PDE1C: variants seen among roughly 807,000 people sequenced by gnomAD.
PDE1C encodes dual specificity calcium/calmodulin-dependent 3',5'-cyclic nucleotide phosphodiesterase 1C.
In PDE1C, 62 loss-of-function variants were observed where a neutral mutation model predicts 93.1. That is an observed-to-expected ratio of 0.67 (90% CI 0.54 to 0.82). PDE1C has a LOEUF of 0.82. Among genes scored for constraint, PDE1C ranks in the 40% least tolerant of loss-of-function variants. The pLI is 0.00. For synonymous variants in PDE1C, 325 were observed against 310.1 expected (o/e 1.05, Z -0.50); for missense variants, 742 against 884.6 (o/e 0.84, Z 2.04).
chr7:31,888,970 C>T (rs1371373384), intron 2 of PDE1C, among the ~76,000 whole-genome samples: 1 of 152,090 alleles, frequency 6.6e-6, no homozygotes, highest in Admixed American at 6.5e-5. Flanking sequence ...ATAAAATCAT[C>T]TACATGGAAA....
intron 2 of PDE1C, among the ~76,000 whole-genome samples, chr7:31,921,614 G>T (rs111566159): frequency 2.6e-5 from 4 of 151,940 alleles, no homozygotes; most frequent in African/African-American, 9.7e-5. Flanking sequence ...ATAACCAAAG[G>T]GTTTACTGCT....
At chr7:32,325,529 C>T (rs1277658507) in intron 1 of PDE1C, among the ~76,000 whole-genome samples, 3 of 152,202 alleles carry the variant, frequency 2.0e-5, no homozygotes, top group Non-Finnish European at 2.9e-5. Context: ...CTCTGTTCTA[C>T]GTTTTCCCCT....
At chr7:31,668,730 G>A in the PDE1C span, among the ~76,000 whole-genome samples, 6 of 152,076 alleles carry the variant, frequency 3.9e-5, no homozygotes, top group South Asian at 4.1e-4. Context: ...TTTGGGGGAT[G>A]ATGAAAATAT....
At chr7:31,808,966 A>G in intron 16 of PDE1C, 65 bp downstream of exon 16, 1 of 925,514 alleles carries the variant, frequency 1.1e-6, no homozygotes, top group Non-Finnish European at 1.8e-6. Flanking sequence ...TTTGGGTATG[A>G]TTCTAACAAG....
chr7:32,178,237 A>G (rs556821141), intron 2 of PDE1C, among the ~76,000 whole-genome samples: 2 of 152,162 alleles, frequency 1.3e-5, no homozygotes, highest in African/African-American at 4.8e-5. Context: ...CCTGCCTTAG[A>G]AGGATCACCA....
At chr7:31,931,835 A>G (rs1167959245) in intron 2 of PDE1C, among the ~76,000 whole-genome samples, 1 of 152,220 alleles carries the variant, frequency 6.6e-6, no homozygotes, top group African/African-American at 2.4e-5. Flanking sequence ...CTGACTTCAA[A>G]CTATACTACA....
chr7:32,234,248 A>AGAAAT (rs1807914785), intron 1 of PDE1C, among the ~76,000 whole-genome samples: 1 of 151,954 alleles, frequency 6.6e-6, no homozygotes, highest in African/African-American at 2.4e-5. Context: ...AGAAAAGAAA[A>AGAAAT]TTAAACCCAC....
rs550121580 is a variant in PDE1C, at chr7:31,834,728, T to C, written c.1203+2452A>G. Among the ~76,000 whole-genome samples the C allele has an allele frequency of 1.6e-4, 25 of 152,206 alleles. No individual in the cohort carries two copies. In the South Asian group the frequency reaches 5.2e-3, roughly 32 times the overall value. On this transcript the variant is annotated intron_variant, in intron 11 of 17. Coordinates refer to ENST00000396191, the MANE Select transcript of PDE1C (RefSeq NM_001191057.4). Reference sequence around the variant, plus strand: ...TACAGACTCATAGGTGGAAGGAACTTGCCTTGTCTCAGATGAGACTTCGAA... The same window carrying C: ...TACAGACTCATAGGTGGAAGGAACTCGCCTTGTCTCAGATGAGACTTCGAA...
chr7:32,291,104 A>T (rs780236491), intron 1 of PDE1C, among the ~76,000 whole-genome samples: 3 of 152,206 alleles, frequency 2.0e-5, no homozygotes, highest in Non-Finnish European at 4.4e-5. Context: ...ACACCCTAGG[A>T]GGTAGGTAAT....
At chr7:31,645,417 G>A in the PDE1C span, among the ~76,000 whole-genome samples, 1 of 152,160 alleles carries the variant, frequency 6.6e-6, no homozygotes, top group African/African-American at 2.4e-5. Context: ...TAATATTAGT[G>A]AGAGTTGAAC....
At chr7:31,855,201 T>C (rs1483376764) in intron 7 of PDE1C, among the ~76,000 whole-genome samples, 1 of 152,134 alleles carries the variant, frequency 6.6e-6, no homozygotes, top group Non-Finnish European at 1.5e-5. Context: ...AAGGTTTCCT[T>C]TCTGGTGGCT....
At chr7:31,882,879 T>C (rs1008863363) in intron 2 of PDE1C, among the ~76,000 whole-genome samples, 3 of 152,192 alleles carry the variant, frequency 2.0e-5, no homozygotes, top group Admixed American at 6.5e-5. Flanking sequence ...GCAGCTTTAA[T>C]TGAATAAGTT....
intron 2 of PDE1C, among the ~76,000 whole-genome samples, chr7:31,953,052 T>C (rs1168930313): frequency 2.6e-5 from 4 of 152,194 alleles, no homozygotes; most frequent in African/African-American, 7.2e-5. Flanking sequence ...TTTTCCACAG[T>C]AGGTGTTCAA....
chr7:31,904,369 A>T (rs78128328), intron 2 of PDE1C, among the ~76,000 whole-genome samples: 1,793 of 152,180 alleles, frequency 0.012, 21 homozygotes, highest in Non-Finnish European at 0.018. Flanking sequence ...ATAAAAAAAA[A>T]ATCTATATAC....
intron 16 of PDE1C, 123 bp from the exon 17 acceptor site, chr7:31,775,855 G>A (rs767553252): frequency 2.5e-6 from 2 of 799,760 alleles, no homozygotes; most frequent in South Asian, 3.2e-5. Flanking sequence ...AGCAGGTTAG[G>A]TGAGGTTGCA....
the PDE1C span, among the ~76,000 whole-genome samples, chr7:31,672,474 A>G: frequency 6.6e-6 from 1 of 152,154 alleles, no homozygotes; most frequent in African/African-American, 2.4e-5. Flanking sequence ...ATTTATTTAA[A>G]TCTTTGCTAA....
At chr7:31,721,308 G>T in the PDE1C span, among the ~76,000 whole-genome samples, 5 of 152,208 alleles carry the variant, frequency 3.3e-5, no homozygotes, top group Non-Finnish European at 7.3e-5. Flanking sequence ...GAGCAGCACT[G>T]ATAATAGAAT....
chr7:32,331,989 C>T (rs1783525152), intron 1 of PDE1C, among the ~76,000 whole-genome samples: 1 of 152,038 alleles, frequency 6.6e-6, no homozygotes, highest in South Asian at 2.1e-4. Context: ...TTTACTATGG[C>T]ACCCATCTCC....
the PDE1C span, among the ~76,000 whole-genome samples, chr7:31,691,797 TAAAAAA>T: frequency 3.5e-5 from 3 of 86,544 alleles, no homozygotes; most frequent in African/African-American, 8.9e-5. Flanking sequence ...ATGTAATGAT[TAAAAAA>T]AAAAAAAAAA....
Sources: gnomAD v4.1 joint callset for allele counts (sites outside exome capture counted in the v4.1 genomes callset) on GRCh38, gnomAD v4.1.1 for gene constraint, MANE v1.5 for transcripts, NCBI Gene and HGNC (gene_info 2026-07-23, HGNC 2026-07-21) for gene names.